Variants in GRIK2 observed in about 807,000 individuals in gnomAD.
The protein encoded by GRIK2 is glutamate receptor ionotropic, kainate 2.
GRIK2 carries 32 observed loss-of-function variants against 100.3 expected under a neutral mutation model. That is an observed-to-expected ratio of 0.32 (90% CI 0.24 to 0.43). The LOEUF (loss-of-function observed/expected upper bound fraction) is 0.43, where lower values mean the gene tolerates loss of function less well. Among genes scored for constraint, GRIK2 ranks in the 20% least tolerant of loss-of-function variants. The pLI is 1.00. For synonymous variants in GRIK2, 417 were observed against 389.4 expected (o/e 1.07, Z -0.83); for missense variants, 843 against 1,114.9 (o/e 0.76, Z 3.47).
intron 2 of GRIK2, among the ~76,000 whole-genome samples, chr6:101,552,873 C>T (rs1776574338): frequency 6.6e-6 from 1 of 152,180 alleles, no homozygotes; most frequent in Non-Finnish European, 1.5e-5. Context: ...ATAGGAAATA[C>T]TCTAAAAAAC....
intron 12 of GRIK2, chr6:101,890,118 A>C (rs1462935763): frequency 1.2e-5 from 4 of 320,550 alleles, no homozygotes; most frequent in Non-Finnish European, 1.7e-5. Context: ...AGAATATAAA[A>C]GCTTTTTAAA....
intron 9 of GRIK2, among the ~76,000 whole-genome samples, chr6:101,815,092 A>G (rs1172015395): frequency 6.6e-6 from 1 of 152,146 alleles, no homozygotes; most frequent in African/African-American, 2.4e-5. Context: ...TGGACATAGG[A>G]TCCTGGCAGT....
intron 7 of GRIK2, among the ~76,000 whole-genome samples, chr6:101,757,537 C>A (rs2128387967): frequency 6.6e-6 from 1 of 152,246 alleles, no homozygotes; most frequent in Middle Eastern, 3.4e-3. Flanking sequence ...TCTCAACATG[C>A]AGATGAGATA....
intron 2 of GRIK2, among the ~76,000 whole-genome samples, chr6:101,573,779 C>G (rs772369848): frequency 5.9e-5 from 9 of 152,008 alleles, no homozygotes; most frequent in Non-Finnish European, 1.2e-4. Flanking sequence ...ACAAATAAGC[C>G]TTCAGTATTT....
intron 11 of GRIK2, among the ~76,000 whole-genome samples, chr6:101,872,494 C>A (rs1253747969): frequency 6.6e-6 from 1 of 151,794 alleles, no homozygotes; most frequent in Non-Finnish European, 1.5e-5. Flanking sequence ...AGGGTAACCA[C>A]CCCCATGATT....
chr6:102,001,139 A>T (rs2114259317), intron 14 of GRIK2, among the ~76,000 whole-genome samples: 1 of 152,044 alleles, frequency 6.6e-6, no homozygotes, highest in East Asian at 1.9e-4. Context: ...CAAAAACCCA[A>T]ATGCCCGCTA....
chr6:101,587,881 GGAA>G (rs1230439194), intron 2 of GRIK2, among the ~76,000 whole-genome samples: 5 of 152,046 alleles, frequency 3.3e-5, no homozygotes, highest in Admixed American at 2.6e-4. Context: ...ATGCACTTCA[GGAA>G]GAAGAAATTG....
chr6:102,009,049 A>G, intron 14 of GRIK2, among the ~76,000 whole-genome samples: 1 of 152,082 alleles, frequency 6.6e-6, no homozygotes, highest in African/African-American at 2.4e-5. Context: ...ATTGAAATAA[A>G]TTTGTACAAC....
At position 102,000,974 on chromosome 6, in the gene GRIK2, C is replaced by T. The variant is rs1039938890; in HGVS notation, c.2086-34367C>T. 2.6e-5 allele frequency among the ~76,000 whole-genome samples: 4 copies of T among 151,338 alleles called. No homozygotes were observed. The East Asian group carries it at 7.8e-4, about 29-fold the overall frequency. On this transcript the variant is annotated intron_variant, in intron 14 of 16. Coordinates refer to ENST00000369134, the MANE Select transcript of GRIK2 (RefSeq NM_021956.5). ...TTTCTAATTCTTTTTTTTCTGATAT[C>T]CTGACATTCTTTACCTCATATTATT...
chr6:101,744,558 A>ATATATATC (rs751011648), intron 7 of GRIK2: 27 of 115,014 alleles, frequency 2.3e-4, no homozygotes, highest in African/African-American at 9.3e-4. Flanking sequence ...ATATATATAT[A>ATATATATC]TCACAATTTC....
intron 14 of GRIK2, among the ~76,000 whole-genome samples, chr6:101,937,715 T>G (rs1323495532): frequency 1.3e-5 from 2 of 152,070 alleles, no homozygotes; most frequent in Non-Finnish European, 2.9e-5. Flanking sequence ...TTTGTTAATG[T>G]TTTGAGGAAA....
At chr6:101,563,377 A>G (rs1198892109) in intron 2 of GRIK2, among the ~76,000 whole-genome samples, 1 of 152,206 alleles carries the variant, frequency 6.6e-6, no homozygotes, top group African/African-American at 2.4e-5. Context: ...AAGGAAGCAA[A>G]TATTTCCAAA....
chr6:101,981,969 TTAGA>T (rs1004849369), intron 14 of GRIK2, among the ~76,000 whole-genome samples: 29 of 151,992 alleles, frequency 1.9e-4, no homozygotes, highest in Admixed American at 5.3e-4. Context: ...GCATAGCTGG[TTAGA>T]TAGATGGGAG....
At chr6:102,059,465 C>A (rs1378385834) in intron 16 of GRIK2, among the ~76,000 whole-genome samples, 2 of 151,052 alleles carry the variant, frequency 1.3e-5, no homozygotes, top group African/African-American at 4.8e-5. Context: ...AGAAAGCAAT[C>A]CAAGAAACTG....
At chr6:101,954,496 T>C (rs1284746808) in intron 14 of GRIK2, among the ~76,000 whole-genome samples, 4 of 152,084 alleles carry the variant, frequency 2.6e-5, no homozygotes, top group Non-Finnish European at 5.9e-5. Context: ...TTTTTATAAT[T>C]TCATTTTCTG....
chr6:101,740,316 T>G (rs910210065), intron 7 of GRIK2, among the ~76,000 whole-genome samples: 6 of 152,164 alleles, frequency 3.9e-5, no homozygotes, highest in African/African-American at 7.2e-5. Context: ...TTCCTGAGGT[T>G]GTTGTGAGGA....
At chr6:101,691,157 C>G (rs921295975) in intron 7 of GRIK2, among the ~76,000 whole-genome samples, 1 of 152,042 alleles carries the variant, frequency 6.6e-6, no homozygotes, top group Non-Finnish European at 1.5e-5. Context: ...CATCTGTGTT[C>G]TAATCATTAG....
intron 14 of GRIK2, among the ~76,000 whole-genome samples, chr6:101,933,732 G>A (rs899312076): frequency 7.9e-5 from 12 of 151,878 alleles, no homozygotes; most frequent in African/African-American, 2.9e-4. Context: ...ATATGACAGA[G>A]GCTTTCAGGT....
chr6:101,893,566 A>G (rs1680865538), intron 12 of GRIK2, among the ~76,000 whole-genome samples: 1 of 151,682 alleles, frequency 6.6e-6, no homozygotes. Flanking sequence ...TTATTATTAC[A>G]ATTAACCTGC....
Sources: allele counts gnomAD v4.1 joint callset (sites outside exome capture counted in the v4.1 genomes callset), GRCh38; gene constraint gnomAD v4.1.1; transcripts MANE v1.5; gene names NCBI Gene and HGNC (gene_info 2026-07-23, HGNC 2026-07-21).